Variants in BCAS1 observed in about 807,000 individuals in gnomAD.
BCAS1 encodes brain enriched myelin associated protein 1, also known as breast carcinoma-amplified sequence 1.
BCAS1 carries 46 observed loss-of-function variants against 65.4 expected under a neutral mutation model. The observed-to-expected ratio is 0.70, with a 90% CI of 0.55 to 0.90. The LOEUF is 0.90. BCAS1 is among the 40% of genes least tolerant of loss of function. The pLI, the probability that BCAS1 is intolerant of heterozygous loss-of-function variation, is 0.00. For synonymous variants in BCAS1, 298 were observed against 293.5 expected (o/e 1.02, Z -0.16); for missense variants, 793 against 771.2 (o/e 1.03, Z -0.33).
At chr20:54,059,847 T>TA (rs1169323450) in intron 1 of BCAS1, among the ~76,000 whole-genome samples, 1 of 152,212 alleles carries the variant, frequency 6.6e-6, no homozygotes, top group African/African-American at 2.4e-5. Context: ...ATGTGACCAC[T>TA]AAGTATATGT....
chr20:53,992,446 A>C, intron 7 of BCAS1, 66 bp downstream of exon 7: 3 of 1,314,750 alleles, frequency 2.3e-6, no homozygotes, highest in African/African-American at 1.5e-5. Context: ...GGGTGGGCTC[A>C]GGATGGCACA....
At chr20:54,023,399 A>G (rs1348130466) in intron 4 of BCAS1, among the ~76,000 whole-genome samples, 1 of 152,234 alleles carries the variant, frequency 6.6e-6, no homozygotes, top group Admixed American at 6.5e-5. Context: ...TGGTGAAAAT[A>G]CAGGAATTCC....
intron 1 of BCAS1, among the ~76,000 whole-genome samples, chr20:54,066,128 A>G (rs892803578): frequency 3.4e-5 from 5 of 148,352 alleles, no homozygotes; most frequent in Non-Finnish European, 5.9e-5. Flanking sequence ...GCTGGAGTGC[A>G]GTGGCGCCAT....
At chr20:54,043,735 G>C (rs767075864) in intron 3 of BCAS1, among the ~76,000 whole-genome samples, 2 of 152,200 alleles carry the variant, frequency 1.3e-5, no homozygotes, top group African/African-American at 2.4e-5. Context: ...TTCTGACTCA[G>C]GAGGTCTGGG....
At chr20:54,067,731 A>C (rs1399300807) in intron 1 of BCAS1, among the ~76,000 whole-genome samples, 2 of 152,148 alleles carry the variant, frequency 1.3e-5, no homozygotes, top group Non-Finnish European at 2.9e-5. Context: ...AAACTTCATC[A>C]CCAGCAGGCA....
chr20:54,041,952 G>A lies in BCAS1; in HGVS notation c.143-12980C>T, dbSNP rs1264132661. 4.3e-5 allele frequency among the ~76,000 whole-genome samples: 6 copies of A among 138,996 alleles called. No individual in the cohort carries two copies. In the East Asian group the frequency reaches 6.1e-4, roughly 14 times the overall value. 91.2% of individuals were successfully genotyped at this position (138,996 alleles called of 152,430 possible). A position where few individuals can be genotyped will look rare whatever the true frequency, so the allele number is the denominator to read the frequency against. On this transcript the variant is annotated intron_variant, in intron 3 of 12. Coordinates refer to ENST00000688948, the MANE Select transcript of BCAS1 (RefSeq NM_001366298.2). Reference sequence around the variant, plus strand: ...AAAAAGAACAGCCATATAGATCGTCGGTGGGAGTGTAATTTGGCCACTTCT... The same window carrying A: ...AAAAAGAACAGCCATATAGATCGTCAGTGGGAGTGTAATTTGGCCACTTCT...
At chr20:53,961,068 T>C (rs402992) in intron 10 of BCAS1, among the ~76,000 whole-genome samples, 47,358 of 152,154 alleles carry the variant, frequency 0.31, 8,650 homozygotes, top group African/African-American at 0.51. Context: ...CTTGTGGCAT[T>C]CACGCCTTGT....
In BCAS1 at chr20:53,958,681, T is replaced by C. The variant is rs148411887; in HGVS notation, c.1486-1184A>G. 1.3e-3 allele frequency among the ~76,000 whole-genome samples: 198 copies of C among 152,358 alleles called. 1 individual carries two copies. The highest frequency in any genetic ancestry group is 4.6e-3 in the African/African-American group (192 of 41,588). ...TGAAGGATAATTTTTAGTGGAGTGC[T>C]TACTAAGTGCTGGGCATTGTGCTAA... On this transcript the variant is annotated intron_variant, in intron 10 of 12. Transcript: ENST00000688948.
chr20:53,966,029 G>A lies in BCAS1; in HGVS notation c.1485+877C>T, dbSNP rs546226994. On this transcript the variant is annotated intron_variant, in intron 10 of 12. Transcript: ENST00000688948. ...ACGGAACACTTTTACACTGTAGGTG[G>A]GAATGTGAACTAGTACAACCACTAT... Among the ~76,000 whole-genome samples the A allele has an allele frequency of 7.9e-5, 12 of 152,296 alleles. No homozygotes were observed. The South Asian group carries it at 1.2e-3, about 16-fold the overall frequency.
chr20:54,024,128 C>T (rs886520980), intron 4 of BCAS1, among the ~76,000 whole-genome samples: 1 of 152,136 alleles, frequency 6.6e-6, no homozygotes, highest in Non-Finnish European at 1.5e-5. Context: ...GAAACTGAGG[C>T]TCAGGAGGTG....
chr20:54,005,950 A>T (rs1044354148), intron 4 of BCAS1, among the ~76,000 whole-genome samples: 1 of 152,160 alleles, frequency 6.6e-6, no homozygotes, highest in Non-Finnish European at 1.5e-5. Context: ...GAAAAGCAAG[A>T]TGGTTATAAC....
chr20:54,058,979 G>A (rs963760131), intron 1 of BCAS1, among the ~76,000 whole-genome samples: 1 of 152,130 alleles, frequency 6.6e-6, no homozygotes, highest in Non-Finnish European at 1.5e-5. Flanking sequence ...ACTTACAATC[G>A]TGGCAGAAGA....
Position 54,028,806 on chromosome 20 carries a change from T to A in BCAS1, c.309A>T (p.Val103=). ...CGGCTTGGTCTCCGGTACGTCCTGG[T>A]ACAGGCCGAGAGAGCATCAAGAAAA... ...SRFFLMLSRP[V]PGRTGDQAAD... is the part of the protein sequence containing the mutation. Residue 103 remains valine (V), a synonymous_variant, in exon 4 of 13, where the codon GTA becomes GTT. Transcript: ENST00000688948. The A allele has an allele frequency of 6.2e-7, 1 of 1,614,162 alleles. No homozygotes were observed. The highest frequency in any genetic ancestry group is 8.5e-7 in the Non-Finnish European group (1 of 1,180,034).
intron 4 of BCAS1, among the ~76,000 whole-genome samples, chr20:54,007,623 G>T (rs2091228885): frequency 6.6e-6 from 1 of 152,230 alleles, no homozygotes; most frequent in Non-Finnish European, 1.5e-5. Context: ...CCGGCCCAGG[G>T]CAAGGAGTAG....
At chr20:53,978,734 A>G (rs1279262061) in intron 8 of BCAS1, among the ~76,000 whole-genome samples, 1 of 152,248 alleles carries the variant, frequency 6.6e-6, no homozygotes, top group Non-Finnish European at 1.5e-5. Flanking sequence ...AGTTAAAATA[A>G]GAATTCAAAA....
At chr20:54,061,186 C>T (rs1162765610) in intron 1 of BCAS1, among the ~76,000 whole-genome samples, 1 of 152,086 alleles carries the variant, frequency 6.6e-6, no homozygotes, top group Non-Finnish European at 1.5e-5. Context: ...AATCATTTTC[C>T]AAAGGTCACC....
intron 4 of BCAS1, among the ~76,000 whole-genome samples, chr20:54,017,735 A>G (rs1879969865): frequency 6.6e-6 from 1 of 152,304 alleles, no homozygotes; most frequent in South Asian, 2.1e-4. Flanking sequence ...TGCTGCAGGC[A>G]GAGTGAGTGA....
chr20:54,035,335 A>G (rs1458006456), intron 3 of BCAS1, among the ~76,000 whole-genome samples: 1 of 145,688 alleles, frequency 6.9e-6, no homozygotes, highest in Non-Finnish European at 1.5e-5. Context: ...CGGGAGACAG[A>G]GCTTGCACTG....
At chr20:53,953,300 T>A (rs1279053711) in intron 12 of BCAS1, 132 bp downstream of exon 12, 2 of 1,184,410 alleles carry the variant, frequency 1.7e-6, no homozygotes, top group Non-Finnish European at 2.4e-6. Flanking sequence ...ACATAGCAGT[T>A]CAAAAACCCT....
Sources: allele counts gnomAD v4.1 joint callset (sites outside exome capture counted in the v4.1 genomes callset), GRCh38; gene constraint gnomAD v4.1.1; transcripts MANE v1.5; gene names NCBI Gene and HGNC (gene_info 2026-07-23, HGNC 2026-07-21).